TRIM62: variants seen among roughly 807,000 people sequenced by gnomAD.
The protein encoded by TRIM62 is E3 ubiquitin-protein ligase TRIM62.
TRIM62 carries 39 observed loss-of-function variants against 44.2 expected under a neutral mutation model. The observed-to-expected ratio is 0.88, with a 90% CI of 0.68 to 1.15. TRIM62 has a LOEUF of 1.15. TRIM62 is among the 50% of genes most tolerant of loss of function. TRIM62 has a pLI of 0.00. For missense variants in TRIM62, 544 were observed against 665.5 expected, an observed-to-expected ratio of 0.82 and a Z score of 2.01; for synonymous variants, 278 against 292.3, an observed-to-expected ratio of 0.95 and a Z score of 0.50.
At chr1:33,149,340 G>C (rs1454558262) in intron 4 of TRIM62, among the ~76,000 whole-genome samples, 1 of 152,028 alleles carries the variant, frequency 6.6e-6, no homozygotes, top group Non-Finnish European at 1.5e-5. Context: ...TTTTAGTAGA[G>C]ACAGGGTTTC....
chr1:33,177,142 T>C lies in TRIM62; in HGVS notation c.408+3883A>G, dbSNP rs1405473607. ...ATGTACGCATGCACACACACGCACA[T>C]GCACACCCACAGGTTACATAAAAAT... On this transcript the variant is annotated intron_variant, in intron 1 of 4. Transcript: ENST00000291416. The surrounding 1 kb of genome is among the most constrained non-coding windows in gnomAD (Gnocchi z 4.1). Among the ~76,000 whole-genome samples, 3 of 152,022 alleles carry C rather than the reference T, an allele frequency of 2.0e-5. No individual in the cohort carries two copies. Among genetic ancestry groups the C allele is most frequent in the African/African-American group, 2.4e-5 (1 of 41,380 alleles).
At position 33,181,385 on chromosome 1, in the gene TRIM62, G is replaced by A. The variant is rs771315450; in HGVS notation, c.48C>T (p.Ser16=). The change falls in exon 1 of 5, where the codon AGC becomes AGT. Residue 16 remains serine, a synonymous_variant. Transcript: ENST00000291416. This position sits in a 1 kb window ranked among gnomAD's most constrained non-coding sequence, Gnocchi z 6.5. ...KDELLCSICL[S]IYQDPVSLGC... is the part of the protein sequence containing the mutation. The stretch of plus-strand genomic sequence containing the variant: ...CCAGGCTCACCGGGTCCTGGTAGAT[G>A]CTCAGGCAGATGGAGCACAGCAGCT... The A allele has an allele frequency of 3.1e-6, 5 of 1,602,364 alleles. No individual in the cohort carries two copies. The highest frequency in any genetic ancestry group is 1.3e-5 in the African/African-American group (1 of 74,674).
chr1:33,176,977 G>T (rs1645424350), intron 1 of TRIM62, among the ~76,000 whole-genome samples: 1 of 152,134 alleles, frequency 6.6e-6, no homozygotes, highest in Non-Finnish European at 1.5e-5. Context: ...CCTCCACTTT[G>T]CTCAGTGGTC....
At chr1:33,170,272 CA>C (rs2124744630) in intron 1 of TRIM62, among the ~76,000 whole-genome samples, 1 of 151,956 alleles carries the variant, frequency 6.6e-6, no homozygotes, top group African/African-American at 2.4e-5. Flanking sequence ...TGCAGTGAGC[CA>C]AGATCGTGCC....
At chr1:33,176,616 G>A in intron 1 of TRIM62, 1 of 510,824 alleles carries the variant, frequency 2.0e-6, no homozygotes, top group Non-Finnish European at 3.6e-6. Flanking sequence ...TGCCCTCGGG[G>A]CGTCAGCTGG....
chr1:33,168,582 TGA>T (rs1244011180), intron 1 of TRIM62, among the ~76,000 whole-genome samples: 2 of 152,194 alleles, frequency 1.3e-5, no homozygotes, highest in African/African-American at 4.8e-5. Flanking sequence ...TTGTCTTACA[TGA>T]GAGAGAAACG....
In TRIM62 at chr1:33,146,897, T is replaced by G; in HGVS notation, c.*280A>C. 2.0e-5 allele frequency: 9 copies of G among 442,780 alleles called. No individual in the cohort carries two copies. The highest frequency in any genetic ancestry group is 4.1e-5 in the East Asian group (1 of 24,236). The allele number at this position is 442,780 out of a possible 1,614,324, so 27.4% of individuals were successfully genotyped here. A position where few individuals can be genotyped will look rare whatever the true frequency, so the allele number is the denominator to read the frequency against. ...TCCCCTGCCCCTGAGAAGATGGGGA[T>G]GAGGGTTGGGCAGGGGTTGCCCTGA... On this transcript the variant is annotated 3_prime_UTR_variant, in exon 5 of 5. Coordinates refer to ENST00000291416, the MANE Select transcript of TRIM62 (RefSeq NM_018207.3).
chr1:33,171,078 A>T (rs1227843873), intron 1 of TRIM62, among the ~76,000 whole-genome samples: 1 of 152,076 alleles, frequency 6.6e-6, no homozygotes, highest in African/African-American at 2.4e-5. Flanking sequence ...ATCTGGTCCA[A>T]CCCCTTGGAT....
At chr1:33,168,416 A>G (rs896439634) in intron 1 of TRIM62, among the ~76,000 whole-genome samples, 14 of 152,152 alleles carry the variant, frequency 9.2e-5, no homozygotes, top group African/African-American at 3.1e-4. Flanking sequence ...AACAGTGCCA[A>G]TTTCCATGGT....
At chr1:33,148,521 G>A (rs1304730767) in intron 4 of TRIM62, among the ~76,000 whole-genome samples, 1 of 152,144 alleles carries the variant, frequency 6.6e-6, no homozygotes, top group Non-Finnish European at 1.5e-5. Context: ...TTTGAGGCAG[G>A]ATGGTGTTTT....
Position 33,158,387 on chromosome 1 carries a change from A to C in TRIM62, c.762-19T>G. On this transcript the variant is annotated intron_variant, in intron 3 of 4. Coordinates refer to ENST00000291416, the MANE Select transcript of TRIM62 (RefSeq NM_018207.3). ...CTTGAGCCTGGAAGGAGAGCAGGAA[A>C]GGGGGCTGCACCAGGGACTGGATTC... The C allele has an allele frequency of 6.2e-7, 1 of 1,607,636 alleles. No individual in the cohort carries two copies. Among genetic ancestry groups the C allele is most frequent in the Non-Finnish European group, 8.5e-7 (1 of 1,174,578 alleles).
Position 33,181,354 on chromosome 1 carries a change from C to A in TRIM62, c.79G>T (p.Glu27Ter). The A allele has an allele frequency of 6.3e-7, 1 of 1,591,970 alleles. No homozygotes were observed. Among genetic ancestry groups the A allele is most frequent in the East Asian group, 2.3e-5 (1 of 44,034 alleles). The change falls in exon 1 of 5, where the codon GAG becomes TAG. Residue 27 changes from glutamate (E) to a stop codon, truncating the protein, a stop_gained. Transcript: ENST00000291416. LOFTEE classifies it high-confidence loss of function. The surrounding 1 kb of genome is among the most constrained non-coding windows in gnomAD (Gnocchi z 6.5). ...ATGCAGCGGCGGCAGAAGTAATGCT[C>A]GCAGCCCAGGCTCACCGGGTCCTGG... is the stretch of plus-strand genomic sequence containing the variant. ...IYQDPVSLGC[E>*]HYFCRRCITE...
chr1:33,147,149 A>G lies in TRIM62; in HGVS notation c.*28T>C, dbSNP rs778851615. On this transcript the variant is annotated 3_prime_UTR_variant, in exon 5 of 5. Transcript: ENST00000291416. This position sits in a 1 kb window ranked among gnomAD's most constrained non-coding sequence, Gnocchi z 8.1. ...GGCTCTTGCAGGTGGCAGTGGTCCCAGGAGGTTGTGGTCTCCTTCTGCCTG... is the reference window on the plus strand; with the variant it reads ...GGCTCTTGCAGGTGGCAGTGGTCCCGGGAGGTTGTGGTCTCCTTCTGCCTG... 2 of 1,604,590 alleles carry G rather than the reference A, an allele frequency of 1.2e-6. No homozygotes were observed. Among genetic ancestry groups the G allele is most frequent in the African/African-American group, 2.7e-5 (2 of 74,784 alleles).
rs1645321701 is a variant in TRIM62 at position 33,165,672 on chromosome 1, A to G, written c.409-106T>C. The G allele has an allele frequency of 5.6e-6, 5 of 900,110 alleles. No individual in the cohort carries two copies. The highest frequency in any genetic ancestry group is 3.1e-5 in the East Asian group (1 of 32,348). 55.8% of individuals were successfully genotyped at this position (900,110 alleles called of 1,614,324 possible). On this transcript the variant is annotated intron_variant, in intron 1 of 4. Transcript: ENST00000291416. The surrounding 1 kb of genome is among the most constrained non-coding windows in gnomAD (Gnocchi z 4.0). ...GGGGTTAGCCTGGTCTCTGTCCCCA[A>G]CCTCCAACACTTGCCTCCCGTCACA...
Position 33,181,325 on chromosome 1 carries a change from CG to C in TRIM62, c.107del (p.Thr36ArgfsTer104). 6.4e-7 allele frequency: 1 copy of C among 1,573,440 alleles called. No individual in the cohort carries two copies. Among genetic ancestry groups the C allele is most frequent in the South Asian group, 1.2e-5 (1 of 86,770 alleles). ...CEHYFCRRCI[T>X]EHWVRQEAQG... ...GCGCCTCCTGCCGCACCCAGTGCTC[CG>C]TGATGCAGCGGCGGCAGAAGTAATG... On this transcript the variant is annotated frameshift_variant, in exon 1 of 5. Transcript: ENST00000291416. LOFTEE classifies it high-confidence loss of function. The surrounding 1 kb of genome is among the most constrained non-coding windows in gnomAD (Gnocchi z 6.5).
chr1:33,172,545 G>C (rs1645382524), intron 1 of TRIM62, among the ~76,000 whole-genome samples: 1 of 152,140 alleles, frequency 6.6e-6, no homozygotes. Flanking sequence ...GGCCCCATCG[G>C]AGCGGGGGTG....
rs1292702210 is a variant in TRIM62, at chr1:33,161,768, C to T, written c.505-1824G>A. On this transcript the variant is annotated intron_variant, in intron 2 of 4. Transcript: ENST00000291416. This position sits in a 1 kb window ranked among gnomAD's most constrained non-coding sequence, Gnocchi z 4.3. ...CAGGCGCCCAGACTCCGCAGCTACT[C>T]CTCTGGCTCCTCCTAGACCACTCTG... Among the ~76,000 whole-genome samples the T allele has an allele frequency of 6.6e-6, 1 of 152,196 alleles. No homozygotes were observed. Among genetic ancestry groups the T allele is most frequent in the Non-Finnish European group, 1.5e-5 (1 of 68,022 alleles).
At chr1:33,155,597 G>A (rs1234493972) in intron 4 of TRIM62, among the ~76,000 whole-genome samples, 1 of 152,150 alleles carries the variant, frequency 6.6e-6, no homozygotes, top group African/African-American at 2.4e-5. Context: ...CGACGTTGGG[G>A]TTTAAGTCCT....
intron 4 of TRIM62, among the ~76,000 whole-genome samples, chr1:33,155,132 C>T (rs1188878841): frequency 1.0e-4 from 15 of 146,546 alleles, no homozygotes; most frequent in African/African-American, 1.7e-4. Context: ...AGTGCAGTGG[C>T]GCGATCTCGG....
Sources: gnomAD v4.1 joint callset for allele counts (sites outside exome capture counted in the v4.1 genomes callset) on GRCh38, gnomAD v4.1.1 for gene constraint, Gnocchi (gnomAD v3.1) non-coding constraint, MANE v1.5 for transcripts, NCBI Gene and HGNC (gene_info 2026-07-23, HGNC 2026-07-21) for gene names.